The following RGS6 variants were observed in gnomAD, a reference collection of about 807,000 sequenced individuals.
The protein encoded by RGS6 is regulator of G protein signaling 6.
A neutral mutation model predicts 78.5 loss-of-function variants in RGS6; 30 were observed. That is an observed-to-expected ratio of 0.38 (90% CI 0.29 to 0.52). The LOEUF is 0.52. Ranked by LOEUF, RGS6 falls within the 20% of genes least tolerant of loss-of-function variation. The pLI, the probability that RGS6 is intolerant of heterozygous loss-of-function variation, is 0.85. For synonymous variants in RGS6, 206 were observed against 206.0 expected (o/e 1.00, Z 0.00); for missense variants, 495 against 609.7 (o/e 0.81, Z 1.98).
chr14:72,197,250 GA>G (rs1234439921), intron 2 of RGS6, among the ~76,000 whole-genome samples: 1 of 152,112 alleles, frequency 6.6e-6, no homozygotes, highest in Non-Finnish European at 1.5e-5. Flanking sequence ...ATTTTTAATA[GA>G]GATGGGGTTT....
At chr14:72,598,862 C>T in the RGS6 span, among the ~76,000 whole-genome samples, 1 of 152,252 alleles carries the variant, frequency 6.6e-6, no homozygotes, top group Non-Finnish European at 1.5e-5. Context: ...TCTCCTCTTC[C>T]CTTAGACTGA....
At chr14:72,194,203 T>A (rs1049411266) in intron 2 of RGS6, among the ~76,000 whole-genome samples, 1 of 152,078 alleles carries the variant, frequency 6.6e-6, no homozygotes, top group African/African-American at 2.4e-5. Flanking sequence ...CTGTACCAGT[T>A]GTGGGCTAGG....
intron 6 of RGS6, 37 bp from the exon 7 acceptor site, chr14:72,465,721 G>A (rs760041536): frequency 1.3e-6 from 2 of 1,495,768 alleles, no homozygotes; most frequent in African/African-American, 2.8e-5. Flanking sequence ...TTGTGCTGCT[G>A]GTTTTGTACA....
At chr14:71,949,597 A>AT (rs2092048014) in intron 1 of RGS6, among the ~76,000 whole-genome samples, 2 of 152,282 alleles carry the variant, frequency 1.3e-5, no homozygotes, top group African/African-American at 4.8e-5. Flanking sequence ...TGTATTTAAA[A>AT]TATCTTTTCC....
At chr14:72,077,309 C>G (rs1289794092) in intron 2 of RGS6, among the ~76,000 whole-genome samples, 1 of 152,016 alleles carries the variant, frequency 6.6e-6, no homozygotes, top group Non-Finnish European at 1.5e-5. Flanking sequence ...TGTAATGGCT[C>G]TCTATATAAA....
chr14:72,197,553 A>T (rs922884512), intron 2 of RGS6, among the ~76,000 whole-genome samples: 2 of 152,242 alleles, frequency 1.3e-5, no homozygotes, highest in Non-Finnish European at 2.9e-5. Context: ...CCAGAGACCC[A>T]GGGGACAATA....
intron 2 of RGS6, among the ~76,000 whole-genome samples, chr14:72,144,541 A>G (rs1178136205): frequency 6.6e-6 from 1 of 152,182 alleles, no homozygotes; most frequent in African/African-American, 2.4e-5. Context: ...TTAAAATGGC[A>G]TTCTCCATTT....
At chr14:71,953,970 T>TTTTG (rs2092576017) in intron 1 of RGS6, among the ~76,000 whole-genome samples, 1 of 2,906 alleles carries the variant, frequency 3.4e-4, no homozygotes, top group South Asian at 0.014. Context: ...TAAGTGGGCG[T>TTTTG]TTTTTTTTTT....
At chr14:71,971,200 C>T (rs919251279) in intron 2 of RGS6, among the ~76,000 whole-genome samples, 2 of 152,204 alleles carry the variant, frequency 1.3e-5, no homozygotes, top group African/African-American at 4.8e-5. Flanking sequence ...CCTTTGCATG[C>T]TGCTGTCTGC....
At chr14:72,487,803 G>A (rs1001405346) in intron 12 of RGS6, among the ~76,000 whole-genome samples, 16 of 152,138 alleles carry the variant, frequency 1.1e-4, no homozygotes, top group African/African-American at 3.1e-4. Context: ...CAATACATTT[G>A]TATTGTTTTC....
At chr14:72,126,459 A>G (rs760422203) in intron 2 of RGS6, among the ~76,000 whole-genome samples, 4 of 152,260 alleles carry the variant, frequency 2.6e-5, no homozygotes, top group Non-Finnish European at 5.9e-5. Context: ...TGTTTCCAGC[A>G]TAGATGTCTT....
the RGS6 span, among the ~76,000 whole-genome samples, chr14:72,624,938 AC>A: frequency 1.3e-5 from 2 of 152,292 alleles, no homozygotes; most frequent in Non-Finnish European, 2.9e-5. Flanking sequence ...ACGTCTTATT[AC>A]TTGTAATGTT....
intron 2 of RGS6, among the ~76,000 whole-genome samples, chr14:72,039,813 A>ATTTTTTTTTTT (rs3053082): frequency 1.3e-4 from 9 of 68,870 alleles, no homozygotes; most frequent in East Asian, 5.7e-4. Flanking sequence ...TGTTTCATTG[A>ATTTTTTTTTTT]TTTTTTTTTT....
chr14:72,329,752 A>G (rs75626117), intron 2 of RGS6, among the ~76,000 whole-genome samples: 1,606 of 152,218 alleles, frequency 0.011, 31 homozygotes, highest in African/African-American at 0.037. Context: ...CAGATCTTGG[A>G]GGCAGTCTAA....
chr14:72,386,912 A>G (rs1035326463), intron 3 of RGS6, among the ~76,000 whole-genome samples: 4 of 152,150 alleles, frequency 2.6e-5, no homozygotes, highest in African/African-American at 9.7e-5. Context: ...TGCTGGGGGT[A>G]GCAGTGGGTA....
chr14:71,993,688 TACTG>T (rs2095067330), intron 2 of RGS6, among the ~76,000 whole-genome samples: 1 of 152,176 alleles, frequency 6.6e-6, no homozygotes, highest in Admixed American at 6.5e-5. Context: ...TTAGGGTATA[TACTG>T]AATTCAACAG....
chr14:72,478,175 A>G, intron 11 of RGS6, 93 bp from the exon 12 acceptor site: 1 of 869,742 alleles, frequency 1.1e-6, no homozygotes. Context: ...AGGTATTTGG[A>G]TCTTGGTGGA....
At chr14:72,143,550 A>G (rs763770580) in intron 2 of RGS6, among the ~76,000 whole-genome samples, 2 of 152,170 alleles carry the variant, frequency 1.3e-5, no homozygotes, top group Non-Finnish European at 2.9e-5. Flanking sequence ...ATTGTGGGCC[A>G]TTGTTCTAAA....
At chr14:72,107,976 A>C (rs1194151703) in intron 2 of RGS6, among the ~76,000 whole-genome samples, 2 of 152,170 alleles carry the variant, frequency 1.3e-5, no homozygotes, top group Non-Finnish European at 2.9e-5. Context: ...TTTATCAGGT[A>C]ATAGTTATTA....
Sources: gnomAD v4.1 joint callset for allele counts (sites outside exome capture counted in the v4.1 genomes callset) on GRCh38, gnomAD v4.1.1 for gene constraint, MANE v1.5 for transcripts, NCBI Gene and HGNC (gene_info 2026-07-23, HGNC 2026-07-21) for gene names.